The following DNAH17 variants were observed in gnomAD, a reference collection of about 807,000 sequenced individuals.
DNAH17 encodes the protein axonemal beta dynein heavy chain 17.
DNAH17 carries 376 observed loss-of-function variants against 485.6 expected under a neutral mutation model. The ratio of observed to expected loss-of-function variants is 0.77; its 90% CI spans 0.71 to 0.84. The LOEUF is 0.84. Ranked by LOEUF, DNAH17 falls within the 40% of genes least tolerant of loss-of-function variation. The probability of loss-of-function intolerance (pLI) is 0.00; values close to 1 mark genes in which losing one functional copy is unlikely to be tolerated. For synonymous variants in DNAH17, 3,031 were observed against 2,405.9 expected (o/e 1.26, Z -7.60); for missense variants, 6,370 against 5,839.3 (o/e 1.09, Z -2.96).
chr17:78,557,427 G>A (rs1215191291), intron 14 of DNAH17, among the ~76,000 whole-genome samples: 3 of 152,006 alleles, frequency 2.0e-5, no homozygotes, highest in Non-Finnish European at 2.9e-5. Flanking sequence ...AGACCAGCCT[G>A]GCCAATGTGG....
intron 9 of DNAH17, among the ~76,000 whole-genome samples, chr17:78,568,025 C>A (rs2092296074): frequency 6.6e-6 from 1 of 152,170 alleles, no homozygotes; most frequent in South Asian, 2.1e-4. Context: ...AGGCCACGCA[C>A]CAACACCACC....
At position 78,459,907 on chromosome 17, in the gene DNAH17, T is replaced by G; in HGVS notation, c.9530A>C (p.Lys3177Thr). The G allele has an allele frequency of 6.2e-7, 1 of 1,614,048 alleles. No individual in the cohort carries two copies. Among genetic ancestry groups the G allele is most frequent in the Non-Finnish European group, 8.5e-7 (1 of 1,179,902 alleles). Reference protein sequence around the residue: ...AVMILTAPGGKIPKDKSWKAA... With the variant: ...AVMILTAPGGTIPKDKSWKAA... ...CTTCCAGCTCTTGTCCTTGGGGATC[T>G]TGCCCCCAGGTGCGGTCAGAATCAT... Residue 3177 changes from lysine (K) to threonine (T), a missense_variant, in exon 60 of 81, where the codon AAG (lysine) becomes ACG (threonine). Lys to Thr is a moderately conservative substitution (Grantham distance 78, BLOSUM62 -1). Coordinates refer to ENST00000389840, the MANE Select transcript of DNAH17 (RefSeq NM_173628.4).
At chr17:78,514,678 C>T in intron 26 of DNAH17, 96 bp downstream of exon 26, 3 of 1,479,110 alleles carry the variant, frequency 2.0e-6, no homozygotes, top group Non-Finnish European at 1.8e-6. Context: ...CAGCATCGGG[C>T]CCTGAACACC....
chr17:78,458,801 G>C, intron 61 of DNAH17, 121 bp from the exon 62 acceptor site: 1 of 1,062,880 alleles, frequency 9.4e-7, no homozygotes. Flanking sequence ...CAAAGGCTGA[G>C]AGCCCTCTGG....
chr17:78,447,763 T>C (rs150013959), intron 69 of DNAH17, among the ~76,000 whole-genome samples: 1 of 136,368 alleles, frequency 7.3e-6, no homozygotes, highest in African/African-American at 3.2e-5. Flanking sequence ...ACCCCATTGG[T>C]TCAAAGTTTG....
rs1401156393 is a variant in DNAH17, at chr17:78,501,746, G to C, written c.5318C>G (p.Ala1773Gly). 2 of 1,612,870 alleles carry C rather than the reference G, an allele frequency of 1.2e-6. No homozygotes were observed. The highest frequency in any genetic ancestry group is 4.5e-5 in the East Asian group (2 of 44,868). Residue 1773 changes from alanine to glycine, a missense_variant, in exon 34 of 81, where the codon GCC becomes GGC. Physicochemically the swap from Ala to Gly is moderately conservative, Grantham distance 60. Coordinates refer to ENST00000389840, the MANE Select transcript of DNAH17 (RefSeq NM_173628.4). Reference protein sequence around the residue: ...ARDVVAKMIVAKVESSQAFTW... With the variant: ...ARDVVAKMIVGKVESSQAFTW... Reference sequence around the variant, plus strand: ...CTGGGACAGGGGCGCTCATGCCTTGGCCACGATCATTTTGGCCACCACGTC... The same window carrying C: ...CTGGGACAGGGGCGCTCATGCCTTGCCCACGATCATTTTGGCCACCACGTC...
chr17:78,460,568 C>T (rs2088068699), intron 58 of DNAH17, among the ~76,000 whole-genome samples: 1 of 152,246 alleles, frequency 6.6e-6, no homozygotes, highest in African/African-American at 2.4e-5. Context: ...CCTTTGCCGA[C>T]ATCCCTGTGT....
In DNAH17 at chr17:78,466,592, C is replaced by T. The variant is rs567959004; in HGVS notation, c.8940+63G>A. On this transcript the variant is annotated intron_variant, in intron 56 of 80. Coordinates refer to ENST00000389840, the MANE Select transcript of DNAH17 (RefSeq NM_173628.4). ...GCGCCCTTTTCTCCCAGGGAGCCAG[C>T]CCTTGGGCCTGTCCTTGTCCTCTGG... The T allele has an allele frequency of 1.1e-5, 16 of 1,476,364 alleles. No individual in the cohort carries two copies. In the African/African-American group the frequency reaches 2.0e-4, roughly 19 times the overall value. The allele number at this position is 1,476,364 out of a possible 1,614,324, so 91.5% of individuals were successfully genotyped here. A position where few individuals can be genotyped will look rare whatever the true frequency, so the allele number is the denominator to read the frequency against.
rs1267748690 is a variant in DNAH17, at chr17:78,484,921, A to G, written c.7596T>C (p.Tyr2532=). 1 of 1,604,306 alleles carries G rather than the reference A, an allele frequency of 6.2e-7. No individual in the cohort carries two copies. The highest frequency in any genetic ancestry group is 8.5e-7 in the Non-Finnish European group (1 of 1,175,136). Residue 2532 remains tyrosine (Y), a synonymous_variant, in exon 48 of 81, where the codon TAT becomes TAC. Coordinates refer to ENST00000389840, the MANE Select transcript of DNAH17 (RefSeq NM_173628.4). ...DDMNMPEVDK[Y]GTVAPHTLIR... ...TGAGGGTGTGCGGGGCCACCGTCCC[A>G]TACTTGTCCACCTCGGGCATGTTCA...
rs1020403219 is a variant in DNAH17 at position 78,502,954 on chromosome 17, T to C, written c.5014A>G (p.Ile1672Val). Residue 1672 changes from isoleucine (I) to valine (V), a missense_variant, in exon 32 of 81, where the codon ATC becomes GTC. Physicochemically the swap from Ile to Val is conservative, Grantham distance 29. Transcript: ENST00000389840. ...DRMCSTLRHE[I>V]PEAVVTYEEK... Reference sequence around the variant, plus strand: ...TCGTAGGTCACCACGGCCTCTGGGATTTCGTGCCGGAGGGTAGAGCACATT... The same window carrying C: ...TCGTAGGTCACCACGGCCTCTGGGACTTCGTGCCGGAGGGTAGAGCACATT... 1.9e-6 allele frequency: 3 copies of C among 1,613,926 alleles called. No homozygotes were observed. Among genetic ancestry groups the C allele is most frequent in the Non-Finnish European group, 1.7e-6 (2 of 1,179,894 alleles).
At position 78,530,477 on chromosome 17, in the gene DNAH17, G is replaced by A. The variant is rs1423185756; in HGVS notation, c.3150C>T (p.Ser1050=). The A allele has an allele frequency of 3.7e-6, 6 of 1,612,642 alleles. No homozygotes were observed. Among genetic ancestry groups the A allele is most frequent in the African/African-American group, 1.3e-5 (1 of 74,914 alleles). Residue 1050 remains serine (S), a synonymous_variant, in exon 21 of 81, where the codon TCC becomes TCT. Coordinates refer to ENST00000389840, the MANE Select transcript of DNAH17 (RefSeq NM_173628.4). ...GGAACACCTTGGTGTTCTCGCACTT[G>A]GACACCTCCTCATACAGCTTCTCGT... is the stretch of plus-strand genomic sequence containing the variant. The part of the protein sequence containing the change: ...DSYEKLYEEV[S]KCENTKVFHG...
chr17:78,486,849 A>C (rs544393658), intron 44 of DNAH17, among the ~76,000 whole-genome samples: 2 of 152,138 alleles, frequency 1.3e-5, no homozygotes, highest in Non-Finnish European at 2.9e-5. Flanking sequence ...AAGGAGAAAG[A>C]TCTCATGATG....
Position 78,493,627 on chromosome 17 carries a change from A to C in DNAH17, c.6408+409T>G, listed in dbSNP as rs187860432. 8.3e-4 allele frequency among the ~76,000 whole-genome samples: 127 copies of C among 152,358 alleles called. No homozygotes were observed. In the Middle Eastern group the frequency reaches 0.054, roughly 65 times the overall value. On this transcript the variant is annotated intron_variant, in intron 41 of 80. Coordinates refer to ENST00000389840, the MANE Select transcript of DNAH17 (RefSeq NM_173628.4). ...CCAGCCTGTGGGCCTCTGGCCGGAC[A>C]CTTGGCTGGCATGGAATTTTCCACA...
In DNAH17 at chr17:78,425,365, C is replaced by T. The variant is rs757972935; in HGVS notation, c.13122G>A (p.Val4374=). Residue 4374 remains valine (V), a synonymous_variant, in exon 80 of 81, where the codon GTG becomes GTA. Transcript: ENST00000389840. Reference sequence around the variant, plus strand: ...CCTTACCTTCCATGAAGAGTCCGTACACGTAGGAGCCCTCTCGCGGAGGAG... The same window carrying T: ...CCTTACCTTCCATGAAGAGTCCGTATACGTAGGAGCCCTCTCGCGGAGGAG... ...MTAPPREGSY[V]YGLFMEGARW... 3.1e-6 allele frequency: 5 copies of T among 1,613,958 alleles called. No homozygotes were observed. Among genetic ancestry groups the T allele is most frequent in the South Asian group, 2.2e-5 (2 of 91,084 alleles).
intron 74 of DNAH17, among the ~76,000 whole-genome samples, 158 bp downstream of exon 74, chr17:78,437,483 C>A (rs1420478228): frequency 6.6e-6 from 1 of 152,222 alleles, no homozygotes; most frequent in Non-Finnish European, 1.5e-5. Context: ...TTTAGAAATA[C>A]ATTGATTTTG....
At chr17:78,457,666 T>A (rs2087874280) in intron 62 of DNAH17, among the ~76,000 whole-genome samples, 1 of 148,316 alleles carries the variant, frequency 6.7e-6, no homozygotes. Flanking sequence ...GCTTTTTTTT[T>A]TTTTTTTTTT....
intron 80 of DNAH17, chr17:78,424,797 T>G (rs1957311226): frequency 6.4e-6 from 1 of 155,398 alleles, no homozygotes; most frequent in African/African-American, 2.4e-5. Context: ...AGAGGCGGGC[T>G]GAGAAGATGG....
intron 65 of DNAH17, among the ~76,000 whole-genome samples, chr17:78,453,012 G>A (rs1489153295): frequency 6.6e-6 from 1 of 152,128 alleles, no homozygotes; most frequent in Non-Finnish European, 1.5e-5. Context: ...TTAATTTTAC[G>A]TTATGTGAAT....
chr17:78,433,417 GCT>G (rs2086749376), intron 75 of DNAH17, among the ~76,000 whole-genome samples: 1 of 152,238 alleles, frequency 6.6e-6, no homozygotes, highest in Non-Finnish European at 1.5e-5. Flanking sequence ...TGTGCACCTT[GCT>G]CTGTGCCCCG....
Sources: gnomAD v4.1 joint callset for allele counts (sites outside exome capture counted in the v4.1 genomes callset) on GRCh38, gnomAD v4.1.1 for gene constraint, MANE v1.5 for transcripts, NCBI Gene and HGNC (gene_info 2026-07-23, HGNC 2026-07-21) for gene names.